SLC16A6: variants seen among roughly 807,000 people sequenced by gnomAD.
SLC16A6 encodes the protein monocarboxylate transporter 7.
A neutral mutation model predicts 33.8 loss-of-function variants in SLC16A6; 15 were observed. The ratio of observed to expected loss-of-function variants is 0.44; its 90% CI spans 0.30 to 0.68. The LOEUF (loss-of-function observed/expected upper bound fraction) is 0.68. Ranked by LOEUF, SLC16A6 falls within the 30% of genes least tolerant of loss-of-function variation. SLC16A6 has a pLI of 0.10. For missense variants in SLC16A6, 451 were observed against 661.5 expected (o/e 0.68, Z 3.49); for synonymous variants, 219 against 248.4 (o/e 0.88, Z 1.11).
chr17:68,278,856 G>A (rs2075608805), intron 1 of SLC16A6, among the ~76,000 whole-genome samples: 1 of 152,040 alleles, frequency 6.6e-6, no homozygotes, highest in Non-Finnish European at 1.5e-5. Flanking sequence ...CTGACCTCAA[G>A]GGATCCACCC....
At chr17:68,279,467 T>C (rs1439769384) in intron 1 of SLC16A6, among the ~76,000 whole-genome samples, 1 of 152,138 alleles carries the variant, frequency 6.6e-6, no homozygotes, top group African/African-American at 2.4e-5. Context: ...CAGGAGTAAT[T>C]TCCTCAAAGT....
intron 2 of SLC16A6, among the ~76,000 whole-genome samples, chr17:68,277,604 A>G (rs1377767753): frequency 6.6e-6 from 1 of 151,510 alleles, no homozygotes; most frequent in Non-Finnish European, 1.5e-5. Flanking sequence ...TAATTTTTCT[A>G]TTTTCAGTAG....
intron 1 of SLC16A6, among the ~76,000 whole-genome samples, chr17:68,282,524 C>T (rs1165558780): frequency 2.0e-5 from 3 of 151,376 alleles, no homozygotes; most frequent in Admixed American, 6.6e-5. Flanking sequence ...TAGGACCAGG[C>T]GCAGTGGCTC....
chr17:68,286,606 G>C (rs1285594034), intron 1 of SLC16A6, among the ~76,000 whole-genome samples: 1 of 152,120 alleles, frequency 6.6e-6, no homozygotes, highest in African/African-American at 2.4e-5. Context: ...CCGGGTTCAA[G>C]CGATTCTTCT....
At chr17:68,278,057 T>TA (rs782626604) in intron 2 of SLC16A6, 32 bp downstream of exon 2, 2 of 1,509,938 alleles carry the variant, frequency 1.3e-6, no homozygotes, top group East Asian at 2.3e-5. Flanking sequence ...GCCCTATACT[T>TA]ACGTCATGGT....
chr17:68,291,337 T>TGCGTGCTGCCGCCCGCGCCCCGGCCCC, upstream of SLC16A6: 1 of 135,426 alleles, frequency 7.4e-6, no homozygotes, highest in Non-Finnish European at 1.6e-5. Flanking sequence ...ACCCGGGCCG[T>TGCGTGCTGCCGCCCGCGCCCCGGCCCC]GCGTGCTGCC....
At chr17:68,270,809 A>C in intron 5 of SLC16A6, 30 bp downstream of exon 5, 1 of 1,535,760 alleles carries the variant, frequency 6.5e-7, no homozygotes, top group Non-Finnish European at 8.8e-7. Context: ...GAAAGTAGAC[A>C]AGTGTTTGTA....
At position 68,268,722 on chromosome 17, in the gene SLC16A6, A is replaced by G. The variant is rs2075230912; in HGVS notation, c.*374T>C. On this transcript the variant is annotated 3_prime_UTR_variant, in exon 6 of 6. Coordinates refer to ENST00000580666, the MANE Select transcript of SLC16A6 (RefSeq NM_004694.5). ...ATAGGAAGAAAGAAAAGAAAAAAAG[A>G]AAATCATTTATCCCACGTGAAAGCT... The G allele has an allele frequency of 5.3e-6, 1 of 189,586 alleles. No individual in the cohort carries two copies. The highest frequency in any genetic ancestry group is 1.1e-4 in the South Asian group (1 of 9,350). The allele number at this position is 189,586 out of a possible 1,614,324, so 11.7% of individuals were successfully genotyped here. A position where few individuals can be genotyped will look rare whatever the true frequency, so the allele number is the denominator to read the frequency against.
At chr17:68,276,386 A>G (rs1555750940) in intron 2 of SLC16A6, among the ~76,000 whole-genome samples, 1 of 152,246 alleles carries the variant, frequency 6.6e-6, no homozygotes, top group Non-Finnish European at 1.5e-5. Flanking sequence ...CAGAGATAAC[A>G]GTTCCATGAC....
intron 2 of SLC16A6, chr17:68,274,414 C>A: frequency 5.2e-6 from 1 of 192,692 alleles, no homozygotes; most frequent in Non-Finnish European, 1.1e-5. Flanking sequence ...TGCAGTGAGC[C>A]AAGATTGCAC....
At position 68,271,398 on chromosome 17, in the gene SLC16A6, G is replaced by A. The variant is rs782735791; in HGVS notation, c.762C>T (p.His254=). ...LTTSPKNVPT[H]TNLELEPKAD... is the part of the protein sequence containing the mutation. ...CCTTCGGCTCCAGTTCCAGGTTAGTGTGAGTAGGCACATTTTTAGGTGAGG... is the reference window on the plus strand; with the variant it reads ...CCTTCGGCTCCAGTTCCAGGTTAGTATGAGTAGGCACATTTTTAGGTGAGG... Residue 254 remains histidine, a synonymous_variant, in exon 5 of 6, where the codon CAC becomes CAT. Coordinates refer to ENST00000580666, the MANE Select transcript of SLC16A6 (RefSeq NM_004694.5). The surrounding 1 kb of genome is among the most constrained non-coding windows in gnomAD (Gnocchi z 5.3). 2 of 1,614,152 alleles carry A rather than the reference G, an allele frequency of 1.2e-6. No homozygotes were observed. Among genetic ancestry groups the A allele is most frequent in the Non-Finnish European group, 1.7e-6 (2 of 1,180,062 alleles).
intron 2 of SLC16A6, 37 bp downstream of exon 2, chr17:68,278,052 A>G (rs782259594): frequency 6.8e-7 from 1 of 1,467,870 alleles, no homozygotes; most frequent in Non-Finnish European, 9.5e-7. Context: ...AAAGGGCCCT[A>G]TACTTACGTC....
At chr17:68,289,002 G>A (rs561515220) in intron 1 of SLC16A6, among the ~76,000 whole-genome samples, 372 of 152,202 alleles carry the variant, frequency 2.4e-3, no homozygotes, top group Admixed American at 6.5e-3. Context: ...CACAATCCAC[G>A]GGCAGTTTGG....
chr17:68,288,614 G>A (rs1281339471), intron 1 of SLC16A6, among the ~76,000 whole-genome samples: 8 of 152,214 alleles, frequency 5.3e-5, no homozygotes, highest in African/African-American at 1.9e-4. Flanking sequence ...GTAAAATCAA[G>A]GTAAATGTAA....
intron 4 of SLC16A6, among the ~76,000 whole-genome samples, chr17:68,272,332 C>T (rs575447357): frequency 1.1e-4 from 16 of 152,264 alleles, no homozygotes; most frequent in South Asian, 2.1e-4. Context: ...TTTTGAAAAA[C>T]GAGAGGACAT....
intron 1 of SLC16A6, among the ~76,000 whole-genome samples, chr17:68,289,163 TAGTG>T (rs2075909123): frequency 6.6e-6 from 1 of 152,042 alleles, no homozygotes; most frequent in Non-Finnish European, 1.5e-5. Flanking sequence ...CCGGGCAACA[TAGTG>T]AGGCTGTGTC....
chr17:68,286,567 C>T lies in SLC16A6; in HGVS notation c.-8+4519G>A, dbSNP rs78124814. 3.5e-3 allele frequency among the ~76,000 whole-genome samples: 537 copies of T among 152,194 alleles called. 1 individual carries two copies. Among genetic ancestry groups the T allele is most frequent in the African/African-American group, 0.011 (459 of 41,520 alleles). On this transcript the variant is annotated intron_variant, in intron 1 of 5. Transcript: ENST00000580666. ...TCACCTAGGCTGAAGTGCAGTGGCA[C>T]GATCTTGGCTCACTGCAACCTTAGC... is the stretch of plus-strand genomic sequence containing the variant.
At chr17:68,270,424 G>C (rs1270237772) in intron 5 of SLC16A6, among the ~76,000 whole-genome samples, 1 of 151,872 alleles carries the variant, frequency 6.6e-6, no homozygotes, top group Non-Finnish European at 1.5e-5. Flanking sequence ...CGTGGTGGTG[G>C]GTGCCTGTAG....
intron 1 of SLC16A6, among the ~76,000 whole-genome samples, chr17:68,287,680 A>AC (rs1379382449): frequency 1.3e-5 from 2 of 151,936 alleles, no homozygotes; most frequent in South Asian, 2.1e-4. Flanking sequence ...ACCCCGTCCT[A>AC]CCCCCAAGGT....
Sources: gnomAD v4.1 joint callset for allele counts (sites outside exome capture counted in the v4.1 genomes callset) on GRCh38, gnomAD v4.1.1 for gene constraint, Gnocchi (gnomAD v3.1) non-coding constraint, MANE v1.5 for transcripts, NCBI Gene and HGNC (gene_info 2026-07-23, HGNC 2026-07-21) for gene names.